Variants in SLC9A9 observed in about 807,000 individuals in gnomAD.
SLC9A9 encodes solute carrier family 9 member A9.
In SLC9A9, 62 loss-of-function variants were observed where a neutral mutation model predicts 77.8. The observed-to-expected ratio is 0.80, with a 90% CI of 0.65 to 0.98. The LOEUF (loss-of-function observed/expected upper bound fraction) is 0.98, where lower values mean the gene tolerates loss of function less well. Among genes scored for constraint, SLC9A9 ranks in the 50% least tolerant of loss-of-function variants. SLC9A9 has a pLI of 0.00. For missense variants in SLC9A9, 775 were observed against 774.9 expected (o/e 1.00, Z 0.00); for synonymous variants, 320 against 283.5 (o/e 1.13, Z -1.29).
At chr3:143,424,352 C>T (rs138936487) in intron 12 of SLC9A9, among the ~76,000 whole-genome samples, 2,549 of 151,744 alleles carry the variant, frequency 0.017, 29 homozygotes, top group African/African-American at 0.034. Flanking sequence ...TTGCAAGTTC[C>T]GCCTCCCGGG....
rs545424317 is a variant in SLC9A9 at position 143,467,207 on chromosome 3, A to G, written c.1316-17T>C. 54 of 1,614,012 alleles carry G rather than the reference A, an allele frequency of 3.3e-5. No homozygotes were observed. The highest frequency in any genetic ancestry group is 1.3e-4 in the Admixed American group (8 of 60,012). ...CTCGCAAACCTTGCAGGAAAAACCA[A>G]AGGAGAAAATAAATGCCTTGCAGGT... On this transcript the variant is annotated splice_polypyrimidine_tract_variant and intron_variant, in intron 11 of 15. Transcript: ENST00000316549.
intron 11 of SLC9A9, among the ~76,000 whole-genome samples, chr3:143,475,584 A>G (rs954809637): frequency 8.6e-5 from 13 of 152,002 alleles, no homozygotes; most frequent in African/African-American, 2.9e-4. Flanking sequence ...CGAGGTCAGG[A>G]GATCGAGACC....
At chr3:143,439,674 G>C (rs776012637) in intron 12 of SLC9A9, among the ~76,000 whole-genome samples, 43 of 152,158 alleles carry the variant, frequency 2.8e-4, no homozygotes, top group Non-Finnish European at 2.1e-4. Flanking sequence ...CTAGGACTAT[G>C]TCATTCTTCC....
intron 14 of SLC9A9, among the ~76,000 whole-genome samples, chr3:143,278,105 A>G (rs1938106639): frequency 6.6e-6 from 1 of 152,156 alleles, no homozygotes; most frequent in Admixed American, 6.5e-5. Flanking sequence ...ACATGAACTC[A>G]TGGGCAAGGA....
intron 12 of SLC9A9, among the ~76,000 whole-genome samples, chr3:143,443,053 TG>T (rs2034776226): frequency 6.6e-6 from 1 of 151,228 alleles, no homozygotes; most frequent in Non-Finnish European, 1.5e-5. Flanking sequence ...TTACAGCCTC[TG>T]GGAAAGAAAG....
chr3:143,711,831 T>C (rs898650738), intron 4 of SLC9A9, among the ~76,000 whole-genome samples: 1 of 152,184 alleles, frequency 6.6e-6, no homozygotes, highest in Non-Finnish European at 1.5e-5. Flanking sequence ...GGAAGGTAAT[T>C]TGATTTGCTA....
chr3:143,315,961 C>A (rs958443991), intron 14 of SLC9A9, among the ~76,000 whole-genome samples: 1 of 152,148 alleles, frequency 6.6e-6, no homozygotes, highest in East Asian at 1.9e-4. Flanking sequence ...GGAAGCAGAG[C>A]GGGGAGATGG....
chr3:143,435,814 G>C (rs2108540266), intron 12 of SLC9A9, among the ~76,000 whole-genome samples: 1 of 152,206 alleles, frequency 6.6e-6, no homozygotes, highest in South Asian at 2.1e-4. Flanking sequence ...CACACAGCCT[G>C]AAACAGTACA....
chr3:143,834,571 C>CCTT (rs2009522087), intron 1 of SLC9A9, among the ~76,000 whole-genome samples: 2 of 116,942 alleles, frequency 1.7e-5, no homozygotes, highest in African/African-American at 3.2e-5. Flanking sequence ...GCGAGGCACT[C>CCTT]TTTTTTTTTT....
intron 3 of SLC9A9, among the ~76,000 whole-genome samples, chr3:143,795,279 C>CAAAAA (rs2008348096): frequency 2.3e-5 from 1 of 43,462 alleles, no homozygotes; most frequent in African/African-American, 1.2e-4. Flanking sequence ...AGTCAAGAAG[C>CAAAAA]AGAAAAAAAA....
In SLC9A9 at chr3:143,844,634, C is replaced by T. The variant is rs111445377; in HGVS notation, c.175+3514G>A. ...ATTACAAGCATATGTGTCTGTAGCA[C>T]GGAGATGACTGTTACAGTCTACTCT... On this transcript the variant is annotated intron_variant, in intron 1 of 15. Coordinates refer to ENST00000316549, the MANE Select transcript of SLC9A9 (RefSeq NM_173653.4). Among the ~76,000 whole-genome samples, 569 of 152,200 alleles carry T rather than the reference C, an allele frequency of 3.7e-3. 5 individuals are homozygous for T. The highest frequency in any genetic ancestry group is 0.013 in the African/African-American group (545 of 41,506).
intron 9 of SLC9A9, among the ~76,000 whole-genome samples, chr3:143,527,803 C>T (rs2036430209): frequency 1.3e-5 from 2 of 152,180 alleles, no homozygotes; most frequent in Non-Finnish European, 2.9e-5. Context: ...CTATGAGGAC[C>T]ACAGAGAAGA....
chr3:143,592,568 C>G (rs1237306242), intron 6 of SLC9A9, among the ~76,000 whole-genome samples: 3 of 152,042 alleles, frequency 2.0e-5, no homozygotes, highest in Non-Finnish European at 2.9e-5. Context: ...GTTCCTGATG[C>G]CTAAGTATAT....
intron 6 of SLC9A9, among the ~76,000 whole-genome samples, chr3:143,635,694 T>C (rs1002065381): frequency 1.3e-5 from 2 of 152,150 alleles, no homozygotes; most frequent in East Asian, 3.8e-4. Flanking sequence ...ATTTTCCCCA[T>C]TTTCCCCTGA....
rs767268711 is a variant in SLC9A9 at position 143,382,044 on chromosome 3, G to C, written c.1524+16C>G. 3.7e-6 allele frequency: 6 copies of C among 1,613,834 alleles called. No homozygotes were observed. In the East Asian group the frequency reaches 1.3e-4, roughly 36 times the overall value. ...ATCATATCTCTATATAATGTGCATT[G>C]GTTTCTTTGACTTGCCTGGTGTTGT... On this transcript the variant is annotated intron_variant, in intron 13 of 15. Transcript: ENST00000316549.
chr3:143,760,078 G>T (rs116675342), intron 4 of SLC9A9, among the ~76,000 whole-genome samples: 42 of 152,174 alleles, frequency 2.8e-4, no homozygotes, highest in Non-Finnish European at 5.1e-4. Context: ...TCTTGAGTTT[G>T]ATAGTGTTAT....
chr3:143,380,754 G>A (rs1023806210), intron 13 of SLC9A9, among the ~76,000 whole-genome samples: 1 of 152,202 alleles, frequency 6.6e-6, no homozygotes, highest in Non-Finnish European at 1.5e-5. Context: ...ATGAGAGCCA[G>A]GATCATCACC....
At chr3:143,830,994 T>C (rs184932657) in intron 2 of SLC9A9, among the ~76,000 whole-genome samples, 37 of 152,260 alleles carry the variant, frequency 2.4e-4, no homozygotes, top group Non-Finnish European at 1.5e-5. Flanking sequence ...TAGGAGGAAG[T>C]TAATCTAAAA....
chr3:143,428,808 C>A (rs1190684653), intron 12 of SLC9A9, among the ~76,000 whole-genome samples: 1 of 152,210 alleles, frequency 6.6e-6, no homozygotes, highest in Admixed American at 6.5e-5. Context: ...GAGGACATTA[C>A]ATTAAGGTAA....
Sources: gnomAD v4.1 joint callset for allele counts (sites outside exome capture counted in the v4.1 genomes callset) on GRCh38, gnomAD v4.1.1 for gene constraint, MANE v1.5 for transcripts, NCBI Gene and HGNC (gene_info 2026-07-23, HGNC 2026-07-21) for gene names.